Variants in IL19 observed in about 807,000 individuals in gnomAD.
The protein encoded by IL19 is interleukin 19.
Under a neutral mutation model 19.5 loss-of-function variants are expected in IL19, and 15 were observed. The observed-to-expected ratio is 0.77, with a 90% CI of 0.52 to 1.19. IL19 has a LOEUF of 1.19. IL19 is among the 50% of genes most tolerant of loss of function. The pLI, the probability that IL19 is intolerant of heterozygous loss-of-function variation, is 0.00. For missense variants in IL19, 199 were observed against 213.1 expected (o/e 0.93, Z 0.41); for synonymous variants, 78 against 78.3 (o/e 1.00, Z 0.02).
At chr1:206,837,875 G>T (rs560902383) in intron 4 of IL19, among the ~76,000 whole-genome samples, 1 of 152,094 alleles carries the variant, frequency 6.6e-6, no homozygotes. Flanking sequence ...GTGTGTTAGG[G>T]CATGCTAGTG....
At chr1:206,814,690 T>TCTCACACACACACACACA (rs150151755) in intron 2 of IL19, among the ~76,000 whole-genome samples, 14 of 140,570 alleles carry the variant, frequency 1.0e-4, no homozygotes, top group African/African-American at 3.8e-4. Flanking sequence ...TGAAACTCTG[T>TCTCACACACACACACACA]CACACACACA....
chr1:206,780,881 G>T (rs557699663), intron 1 of IL19, among the ~76,000 whole-genome samples: 2 of 152,204 alleles, frequency 1.3e-5, no homozygotes, highest in Non-Finnish European at 2.9e-5. Flanking sequence ...GAAGTTGAAA[G>T]TCTGTGACAA....
intron 1 of IL19, among the ~76,000 whole-genome samples, chr1:206,775,683 C>A (rs761821463): frequency 3.3e-5 from 5 of 152,190 alleles, no homozygotes; most frequent in Admixed American, 6.5e-5. Flanking sequence ...TTGAAGATAC[C>A]TGTTCATCTG....
At chr1:206,842,479 A>G (rs1179305328) in intron 6 of IL19, 48 bp from the exon 7 acceptor site, 3 of 1,168,578 alleles carry the variant, frequency 2.6e-6, no homozygotes, top group Non-Finnish European at 3.7e-6. Flanking sequence ...CTTGAAAACC[A>G]TTACACAGTC....
At chr1:206,837,501 C>A (rs1369290559) in intron 4 of IL19, among the ~76,000 whole-genome samples, 2 of 152,034 alleles carry the variant, frequency 1.3e-5, no homozygotes, top group Non-Finnish European at 2.9e-5. Context: ...TGAAAAAATA[C>A]CCTGGAGTCA....
intron 2 of IL19, among the ~76,000 whole-genome samples, chr1:206,800,519 GC>G (rs1239578125): frequency 1.3e-5 from 2 of 152,194 alleles, no homozygotes; most frequent in Non-Finnish European, 2.9e-5. Context: ...GGGAGGTTTT[GC>G]TAAGAACAGT....
intron 1 of IL19, among the ~76,000 whole-genome samples, chr1:206,771,956 C>T (rs1203205359): frequency 2.0e-5 from 3 of 152,006 alleles, no homozygotes; most frequent in Admixed American, 6.5e-5. Context: ...ATCTTCACCT[C>T]GAATCAGACA....
At chr1:206,809,684 T>C (rs1675950134) in intron 2 of IL19, among the ~76,000 whole-genome samples, 1 of 152,206 alleles carries the variant, frequency 6.6e-6, no homozygotes, top group Non-Finnish European at 1.5e-5. Context: ...TGGCACTAGA[T>C]GGCACTGTAG....
intron 1 of IL19, among the ~76,000 whole-genome samples, chr1:206,771,949 T>G (rs562913118): frequency 5.3e-5 from 8 of 152,168 alleles, no homozygotes; most frequent in African/African-American, 1.9e-4. Context: ...GGGGAGCATC[T>G]TCACCTCGAA....
At chr1:206,772,579 C>T (rs555793908) in intron 1 of IL19, 112 of 763,722 alleles carry the variant, frequency 1.5e-4, no homozygotes, top group Middle Eastern at 3.7e-4. Flanking sequence ...CAAGGTTTCC[C>T]GGCACAGGAT....
chr1:206,786,244 G>A (rs1675267373), intron 1 of IL19, among the ~76,000 whole-genome samples: 1 of 152,184 alleles, frequency 6.6e-6, no homozygotes, highest in Non-Finnish European at 1.5e-5. Flanking sequence ...AGCACTCAAT[G>A]ACTTTTACCT....
rs1553439245 is a variant in IL19 at position 206,795,927 on chromosome 1, A to ATATGTGTG, written c.-148-2933_-148-2932insATGTGTGT. 4.1e-3 allele frequency among the ~76,000 whole-genome samples: 550 copies of ATATGTGTG among 133,594 alleles called. 1 individual carries two copies. Among genetic ancestry groups the ATATGTGTG allele is most frequent in the Non-Finnish European group, 5.7e-3 (353 of 61,934 alleles). The allele number at this position is 133,594 out of a possible 152,430, so 87.6% of individuals were successfully genotyped here. A position where few individuals can be genotyped will look rare whatever the true frequency, so the allele number is the denominator to read the frequency against. On this transcript the variant is annotated intron_variant, in intron 1 of 6. Transcript: ENST00000659997. ...AAACAGAACCAATATAAATATATAT[A>ATATGTGTG]TGTGTGTGTGTGTGTGTGTGTGTGT...
chr1:206,817,563 A>G (rs1167143076), intron 2 of IL19, among the ~76,000 whole-genome samples: 1 of 152,172 alleles, frequency 6.6e-6, no homozygotes, highest in Non-Finnish European at 1.5e-5. Context: ...TCTCATCTAT[A>G]TCTCTATCAC....
chr1:206,799,546 C>A (rs1572554076), intron 2 of IL19, among the ~76,000 whole-genome samples: 1 of 152,338 alleles, frequency 6.6e-6, no homozygotes, highest in South Asian at 2.1e-4. Flanking sequence ...TTCTTGGCAG[C>A]TTTCTCTGCA....
intron 1 of IL19, 46 bp downstream of exon 1, chr1:206,771,124 A>T (rs1674820099): frequency 6.5e-7 from 1 of 1,549,062 alleles, no homozygotes; most frequent in African/African-American, 1.4e-5. Flanking sequence ...GGGCTGCTGC[A>T]ACTAGCTTAA....
chr1:206,835,842 T>C (rs1381310479), intron 2 of IL19, among the ~76,000 whole-genome samples: 2 of 152,248 alleles, frequency 1.3e-5, no homozygotes, highest in Admixed American at 1.3e-4. Context: ...CTTTTCTCTG[T>C]GCGCATTATG....
chr1:206,781,313 G>A (rs913977894), intron 1 of IL19, among the ~76,000 whole-genome samples: 1 of 150,432 alleles, frequency 6.6e-6, no homozygotes, highest in Admixed American at 6.7e-5. Context: ...GCGTGGTGAG[G>A]CTGAGGCAGG....
chr1:206,798,994 T>C lies in IL19; in HGVS notation c.-15T>C, dbSNP rs1355056759. 2 of 1,611,754 alleles carry C rather than the reference T, an allele frequency of 1.2e-6. No individual in the cohort carries two copies. Among genetic ancestry groups the C allele is most frequent in the Non-Finnish European group, 1.7e-6 (2 of 1,177,884 alleles). On this transcript the variant is annotated 5_prime_UTR_variant, in exon 2 of 7. Coordinates refer to ENST00000659997, the MANE Select transcript of IL19 (RefSeq NM_153758.5). ...TGTGTGTGTGCCAGTGCTTTGGGGC[T>C]CTGTTCCACGGGGTAAGTAATTTCT...
chr1:206,780,294 T>C (rs1179258905), intron 1 of IL19, among the ~76,000 whole-genome samples: 1 of 152,230 alleles, frequency 6.6e-6, no homozygotes, highest in Non-Finnish European at 1.5e-5. Flanking sequence ...TTGATGAGTG[T>C]TGTTTGCTCA....
Sources: allele counts gnomAD v4.1 joint callset (sites outside exome capture counted in the v4.1 genomes callset), GRCh38; gene constraint gnomAD v4.1.1; transcripts MANE v1.5; gene names NCBI Gene and HGNC (gene_info 2026-07-23, HGNC 2026-07-21).